REEP5: variants seen among roughly 807,000 people sequenced by gnomAD.
REEP5 encodes the protein receptor expression-enhancing protein 5.
REEP5 carries 24 observed loss-of-function variants against 22.4 expected under a neutral mutation model. The observed-to-expected ratio is 1.07, with a 90% CI of 0.78 to 1.51. The LOEUF is 1.51. REEP5 is among the 40% of genes most tolerant of loss of function. The pLI is 0.00. For synonymous variants in REEP5, 103 were observed against 88.6 expected, an observed-to-expected ratio of 1.16 and a Z score of -0.92; for missense variants, 252 against 233.0, an observed-to-expected ratio of 1.08 and a Z score of -0.53.
chr5:112,881,225 G>C (rs1305985409), intron 4 of REEP5, among the ~76,000 whole-genome samples: 1 of 151,686 alleles, frequency 6.6e-6, no homozygotes, highest in Non-Finnish European at 1.5e-5. Context: ...AAGTAGACTG[G>C]ATTTGTATGC....
chr5:112,903,176 T>C (rs147269864), intron 2 of REEP5, among the ~76,000 whole-genome samples: 1 of 152,330 alleles, frequency 6.6e-6, no homozygotes, highest in Non-Finnish European at 1.5e-5. Context: ...GGAAATACAT[T>C]TAAAATAATT....
chr5:112,892,142 G>C (rs1174568398), intron 3 of REEP5: 1 of 1,614,202 alleles, frequency 6.2e-7, no homozygotes, highest in Non-Finnish European at 8.5e-7. Context: ...GTGGATTTCA[G>C]AGTAATGGAG....
rs1209277538 is a variant in REEP5, at chr5:112,887,054, C to A, written c.481G>T (p.Asp161Tyr). Residue 161 changes from aspartate (D) to tyrosine (Y), a missense_variant, in exon 4 of 5, where the codon GAC becomes TAC. By Grantham distance (160) the Asp-to-Tyr change is radical (BLOSUM62 -3). Coordinates refer to ENST00000379638, the MANE Select transcript of REEP5 (RefSeq NM_005669.5). ...GCATCTGCAGTCTCTTTGGCCTTGT[C>A]TTTAAGGTCCTTGACCACACTGTCC... ...QMDSVVKDLK[D>Y]KAKETADAIT... 2 of 1,613,178 alleles carry A rather than the reference C, an allele frequency of 1.2e-6. No homozygotes were observed. Among genetic ancestry groups the A allele is most frequent in the Non-Finnish European group, 1.7e-6 (2 of 1,179,466 alleles).
chr5:112,892,062 G>T, intron 3 of REEP5: 1 of 1,562,776 alleles, frequency 6.4e-7, no homozygotes, highest in South Asian at 1.1e-5. Flanking sequence ...AGGAAGCTGT[G>T]CAGAAGATGC....
At chr5:112,906,097 C>T (rs1333956745) in intron 2 of REEP5, among the ~76,000 whole-genome samples, 1 of 152,190 alleles carries the variant, frequency 6.6e-6, no homozygotes, top group Admixed American at 6.5e-5. Context: ...ATAAGATATG[C>T]TCTATGCTCT....
intron 4 of REEP5, among the ~76,000 whole-genome samples, chr5:112,886,408 T>A (rs1183165322): frequency 6.6e-6 from 1 of 152,228 alleles, no homozygotes; most frequent in Non-Finnish European, 1.5e-5. Flanking sequence ...AGAGTAGACA[T>A]GGAATTCATG....
chr5:112,916,711 G>T (rs772115127), intron 2 of REEP5, among the ~76,000 whole-genome samples: 2 of 152,166 alleles, frequency 1.3e-5, no homozygotes, highest in Non-Finnish European at 2.9e-5. Flanking sequence ...CACAAGGGAG[G>T]TAGCATAACG....
intron 2 of REEP5, among the ~76,000 whole-genome samples, chr5:112,908,823 G>A (rs1769027248): frequency 6.6e-6 from 1 of 151,054 alleles, no homozygotes; most frequent in Non-Finnish European, 1.5e-5. Flanking sequence ...CCAAAGTGCT[G>A]GGATTACAGG....
chr5:112,881,710 G>A (rs1249210996), intron 4 of REEP5, among the ~76,000 whole-genome samples: 1 of 152,008 alleles, frequency 6.6e-6, no homozygotes, highest in South Asian at 2.1e-4. Context: ...GGGCTACTTT[G>A]CCTTAGTTCT....
intron 2 of REEP5, among the ~76,000 whole-genome samples, chr5:112,906,507 C>T (rs987054203): frequency 1.3e-5 from 2 of 152,060 alleles, no homozygotes; most frequent in African/African-American, 4.8e-5. Context: ...GTTAAACTGG[C>T]CACAGAGCAG....
intron 2 of REEP5, among the ~76,000 whole-genome samples, chr5:112,903,742 G>A (rs1318191806): frequency 6.6e-6 from 1 of 152,102 alleles, no homozygotes; most frequent in Non-Finnish European, 1.5e-5. Context: ...TAACCAAAAG[G>A]GGAAAAATTG....
At chr5:112,902,579 A>G (rs1670357015) in intron 2 of REEP5, 61 bp from the exon 3 acceptor site, 14 of 1,457,018 alleles carry the variant, frequency 9.6e-6, no homozygotes, top group Non-Finnish European at 1.3e-5. Context: ...AGATTTTCAA[A>G]TACACTTTCA....
intron 4 of REEP5, among the ~76,000 whole-genome samples, chr5:112,880,754 T>G (rs544117018): frequency 1.2e-4 from 18 of 152,176 alleles, no homozygotes; most frequent in African/African-American, 4.3e-4. Flanking sequence ...GAAATGTGGG[T>G]GAAGTAGACA....
At chr5:112,904,471 A>T (rs1259720556) in intron 2 of REEP5, among the ~76,000 whole-genome samples, 1 of 152,230 alleles carries the variant, frequency 6.6e-6, no homozygotes, top group Non-Finnish European at 1.5e-5. Flanking sequence ...TCAAGGTCTT[A>T]GTTTTGTGAA....
At chr5:112,885,150 G>T in intron 4 of REEP5, 1 of 169,726 alleles carries the variant, frequency 5.9e-6, no homozygotes, top group Non-Finnish European at 1.3e-5. Flanking sequence ...GGCCAGCTAG[G>T]CCCTGCTGCT....
intron 2 of REEP5, among the ~76,000 whole-genome samples, chr5:112,915,897 A>C (rs58304718): frequency 0.11 from 15,985 of 149,862 alleles, 1,002 homozygotes; most frequent in African/African-American, 0.16. Flanking sequence ...AAAAAAAAAA[A>C]CCCACAAGAA....
At chr5:112,879,345 G>T (rs990944243) in intron 4 of REEP5, among the ~76,000 whole-genome samples, 6 of 128,842 alleles carry the variant, frequency 4.7e-5, no homozygotes, top group African/African-American at 1.7e-4. Flanking sequence ...GGCTGGGGGG[G>T]CGGTGGGGGA....
rs1769355569 is a variant in REEP5, at chr5:112,921,252, G to C, written c.123C>G (p.Val41=). ...CCAGGTACAAGGCCACCAGTCCGATGACACCTGGGGACCACAAGGAGAGAA... is the reference window on the plus strand; with the variant it reads ...CCAGGTACAAGGCCACCAGTCCGATCACACCTGGGGACCACAAGGAGAGAA... ...GVNRSFIALG[V]IGLVALYLVF... The change falls in exon 2 of 5, where the codon GTC becomes GTG. Residue 41 remains valine (V), a synonymous_variant. Transcript: ENST00000379638. 6.2e-7 allele frequency: 1 copy of C among 1,613,972 alleles called. No homozygotes were observed. The highest frequency in any genetic ancestry group is 8.5e-7 in the Non-Finnish European group (1 of 1,179,994).
Position 112,876,425 on chromosome 5 carries a change from A to G in REEP5, c.*2361T>C, listed in dbSNP as rs1182111679. On this transcript the variant is annotated 3_prime_UTR_variant, in exon 5 of 5. Coordinates refer to ENST00000379638, the MANE Select transcript of REEP5 (RefSeq NM_005669.5). Reference sequence around the variant, plus strand: ...ATTTTATTTACATCTATTTATTTCCATTCAGTGTATCACATCTTCAGGATA... The same window carrying G: ...ATTTTATTTACATCTATTTATTTCCGTTCAGTGTATCACATCTTCAGGATA... 1 of 152,234 alleles carries G rather than the reference A, an allele frequency of 6.6e-6. No individual in the cohort carries two copies. Among genetic ancestry groups the G allele is most frequent in the African/African-American group, 2.4e-5 (1 of 41,460 alleles). 9.4% of individuals were successfully genotyped at this position (152,234 alleles called of 1,614,324 possible).
Sources: gnomAD v4.1 joint callset for allele counts (sites outside exome capture counted in the v4.1 genomes callset) on GRCh38, gnomAD v4.1.1 for gene constraint, MANE v1.5 for transcripts, NCBI Gene and HGNC (gene_info 2026-07-23, HGNC 2026-07-21) for gene names.